The following DGAT1 variants were observed in gnomAD, a reference collection of about 807,000 sequenced individuals.
DGAT1 encodes the protein diacylglycerol O-acyltransferase 1.
In DGAT1, 60 loss-of-function variants were observed where a neutral mutation model predicts 72.6. The observed-to-expected ratio is 0.83, with a 90% confidence interval of 0.67 to 1.02. The LOEUF (loss-of-function observed/expected upper bound fraction) is 1.02, where lower values mean the gene tolerates loss of function less well. Ranked by LOEUF, DGAT1 falls within the 50% of genes least tolerant of loss-of-function variation. The probability of loss-of-function intolerance (pLI) is 0.00; values close to 1 mark genes in which losing one functional copy is unlikely to be tolerated. For missense variants in DGAT1, 592 were observed against 670.0 expected (o/e 0.88, Z 1.29); for synonymous variants, 290 against 267.5 (o/e 1.08, Z -0.82).
intron 12 of DGAT1, 27 bp downstream of exon 12, chr8:144,317,517 G>A (rs1554847319): frequency 6.2e-7 from 1 of 1,613,792 alleles, no homozygotes; most frequent in Non-Finnish European, 8.5e-7. Context: ...CTCCTGTCCT[G>A]TGCATGCGCC....
chr8:144,319,591 T>G (rs1554847883), intron 2 of DGAT1, among the ~76,000 whole-genome samples: 1 of 152,184 alleles, frequency 6.6e-6, no homozygotes, highest in Non-Finnish European at 1.5e-5. Flanking sequence ...AGTGTCCAGC[T>G]GTGTCGCAAG....
At position 144,318,119 on chromosome 8, in the gene DGAT1, A is replaced by G. The variant is rs146322937; in HGVS notation, c.727T>C (p.Tyr243His). The change falls in exon 8 of 17, where the codon TAC becomes CAC. Residue 243 changes from tyrosine (Y) to histidine (H), a missense_variant. Coordinates refer to ENST00000528718, the MANE Select transcript of DGAT1 (RefSeq NM_012079.6). ...SSAAAPHTVS[Y>H]PDNLTYRDLY... ...CCGCGGTAGGTCAGATTGTCCGGGT[A>G]GCTCACGGTGTGCGGGGCAGCAGCA... The G allele has an allele frequency of 3.4e-5, 52 of 1,542,342 alleles. No homozygotes were observed. The African/African-American group carries it at 5.8e-4, about 17-fold the overall frequency.
chr8:144,319,716 C>A (rs1232582147), intron 2 of DGAT1, among the ~76,000 whole-genome samples: 1 of 152,208 alleles, frequency 6.6e-6, no homozygotes, highest in Non-Finnish European at 1.5e-5. Flanking sequence ...GGACTGAGCC[C>A]CCATGGAATA....
At chr8:144,317,143 T>C in intron 14 of DGAT1, 34 bp from the exon 15 acceptor site, 1 of 1,611,998 alleles carries the variant, frequency 6.2e-7, no homozygotes, top group Non-Finnish European at 8.5e-7. Context: ...GCGGTTCAGG[T>C]TCACAGCCAT....
At chr8:144,325,143 G>T (rs887074400) in intron 1 of DGAT1, among the ~76,000 whole-genome samples, 2 of 151,952 alleles carry the variant, frequency 1.3e-5, no homozygotes, top group Non-Finnish European at 2.9e-5. Flanking sequence ...CTGCCTCCTG[G>T]AGAGAGGGTA....
Position 144,326,681 on chromosome 8 carries a change from G to A in DGAT1, c.-45C>T, listed in dbSNP as rs1210777586. ...CCGCAGCCAAGCGTGGGCCCGCCGG[G>A]TTCGTAGCGCCCGAGGCGCGCGGCC... On this transcript the variant is annotated 5_prime_UTR_variant, in exon 1 of 17. Coordinates refer to ENST00000528718, the MANE Select transcript of DGAT1 (RefSeq NM_012079.6). 7 of 1,152,634 alleles carry A rather than the reference G, an allele frequency of 6.1e-6. No homozygotes were observed. Among genetic ancestry groups the A allele is most frequent in the Non-Finnish European group, 7.5e-6 (7 of 937,122 alleles). 71.4% of individuals were successfully genotyped at this position (1,152,634 alleles called of 1,614,324 possible).
At chr8:144,325,730 T>C (rs1817579206) in intron 1 of DGAT1, among the ~76,000 whole-genome samples, 1 of 152,046 alleles carries the variant, frequency 6.6e-6, no homozygotes, top group Non-Finnish European at 1.5e-5. Context: ...TGCAGGTGTG[T>C]CCACCACCCC....
rs201213845 is a variant in DGAT1, at chr8:144,317,162, TCACACA to T, written c.1160+19_1160+24del. ...TTCAGGTTCACAGCCATGTTCCACA[TCACACA>T]CACACACACCCCACCTACCTGATGC... On this transcript the variant is annotated intron_variant, in intron 14 of 16. Coordinates refer to ENST00000528718, the MANE Select transcript of DGAT1 (RefSeq NM_012079.6). 2 of 1,599,568 alleles carry T rather than the reference TCACACA, an allele frequency of 1.3e-6. No homozygotes were observed. Among genetic ancestry groups the T allele is most frequent in the Non-Finnish European group, 1.7e-6 (2 of 1,168,820 alleles).
chr8:144,315,946 A>G lies in DGAT1; in HGVS notation c.*608T>C, dbSNP rs1463351417. The G allele has an allele frequency of 1.0e-6, 1 of 986,418 alleles. No homozygotes were observed. Among genetic ancestry groups the G allele is most frequent in the African/African-American group, 1.7e-5 (1 of 57,228 alleles). The allele number at this position is 986,418 out of a possible 1,614,324, so 61.1% of individuals were successfully genotyped here. On this transcript the variant is annotated 3_prime_UTR_variant, in exon 17 of 17. Transcript: ENST00000528718. ...CCCTGGGCCATCCTGGCTGGAGCCCACTTCCCGCAAACCCAGGGCCGACCT... is the reference window on the plus strand; with the variant it reads ...CCCTGGGCCATCCTGGCTGGAGCCCGCTTCCCGCAAACCCAGGGCCGACCT...
Position 144,326,741 on chromosome 8 carries a change from C to G in DGAT1, c.-105G>C. The G allele has an allele frequency of 2.1e-6, 2 of 947,510 alleles. No homozygotes were observed. Among genetic ancestry groups the G allele is most frequent in the South Asian group, 4.6e-5 (1 of 21,894 alleles). The allele number at this position is 947,510 out of a possible 1,614,324, so 58.7% of individuals were successfully genotyped here. The stretch of plus-strand genomic sequence containing the variant: ...GGCCCTAGACAACGGCCGCCACTGC[C>G]CCCTGCCGGCCGCCGTAGCCCGGGT... On this transcript the variant is annotated 5_prime_UTR_variant, in exon 1 of 17. Transcript: ENST00000528718.
chr8:144,317,647 T>G, intron 11 of DGAT1, 24 bp downstream of exon 11: 1 of 1,613,832 alleles, frequency 6.2e-7, no homozygotes, highest in Non-Finnish European at 8.5e-7. Context: ...CCACCCCAGC[T>G]GCAAGAGCAC....
intron 1 of DGAT1, among the ~76,000 whole-genome samples, chr8:144,322,411 C>A (rs1036412384): frequency 2.0e-5 from 3 of 152,222 alleles, no homozygotes; most frequent in Non-Finnish European, 1.5e-5. Context: ...CTCCCGCACA[C>A]GCACATCTGC....
Position 144,316,847 on chromosome 8 carries a change from A to G in DGAT1, c.1311+6T>C, listed in dbSNP as rs782744456. ...CGAGTGAGGAGGCCACGTGGGGGTCACTCACCTGAGCCATCATGCCCGTGA... is the reference window on the plus strand; with the variant it reads ...CGAGTGAGGAGGCCACGTGGGGGTCGCTCACCTGAGCCATCATGCCCGTGA... On this transcript the variant is annotated splice_donor_region_variant and intron_variant, in intron 16 of 16. Coordinates refer to ENST00000528718, the MANE Select transcript of DGAT1 (RefSeq NM_012079.6). 3.1e-6 allele frequency: 5 copies of G among 1,608,458 alleles called. No individual in the cohort carries two copies. Among genetic ancestry groups the G allele is most frequent in the Admixed American group, 3.4e-5 (2 of 59,072 alleles).
In DGAT1 at chr8:144,319,020, G is replaced by T; in HGVS notation, c.329+8C>A. 1 of 1,558,776 alleles carries T rather than the reference G, an allele frequency of 6.4e-7. No individual in the cohort carries two copies. Among genetic ancestry groups the T allele is most frequent in the Non-Finnish European group, 8.7e-7 (1 of 1,151,326 alleles). On this transcript the variant is annotated splice_region_variant and intron_variant, in intron 3 of 16. Transcript: ENST00000528718. ...GGGGCAGGGGTGGGACCTGGCAAAGGCACTCACTTGATGAGGTTCTCCAGA... is the reference window on the plus strand; with the variant it reads ...GGGGCAGGGGTGGGACCTGGCAAAGTCACTCACTTGATGAGGTTCTCCAGA...
At position 144,326,631 on chromosome 8, in the gene DGAT1, G is replaced by A. The variant is rs1442852223; in HGVS notation, c.6C>T (p.Gly2=). 8 of 1,194,220 alleles carry A rather than the reference G, an allele frequency of 6.7e-6. No individual in the cohort carries two copies. In the African/African-American group the frequency reaches 1.3e-4, roughly 19 times the overall value. The allele number at this position is 1,194,220 out of a possible 1,614,324, so 74.0% of individuals were successfully genotyped here. The part of the protein sequence containing the change: M[G]DRGSSRRRRT... ...TCCGGCGCCGGGAGCTGCCGCGGTC[G>A]CCCATGGCCTCAGCCCGCACCCGGC... Residue 2 remains glycine, a synonymous_variant, in exon 1 of 17, where the codon GGC becomes GGT. Coordinates refer to ENST00000528718, the MANE Select transcript of DGAT1 (RefSeq NM_012079.6).
rs782146939 is a variant in DGAT1, at chr8:144,316,979, C to T, written c.1248+43G>A. 5.6e-6 allele frequency: 9 copies of T among 1,610,552 alleles called. No homozygotes were observed. In the South Asian group the frequency reaches 8.8e-5, roughly 16 times the overall value. On this transcript the variant is annotated intron_variant, in intron 15 of 16. Coordinates refer to ENST00000528718, the MANE Select transcript of DGAT1 (RefSeq NM_012079.6). ...GTCAGCCGTCCCTGCTGTGGGCATA[C>T]CCCTGCCCAGGGATGAGGCAAGATG...
rs1267257348 is a variant in DGAT1, at chr8:144,315,240, G to C, written c.*1314C>G. The C allele has an allele frequency of 3.0e-6, 3 of 985,342 alleles. No individual in the cohort carries two copies. The African/African-American group carries it at 5.2e-5, about 17-fold the overall frequency. The allele number at this position is 985,342 out of a possible 1,614,324, so 61.0% of individuals were successfully genotyped here. A position where few individuals can be genotyped will look rare whatever the true frequency, so the allele number is the denominator to read the frequency against. ...GGAGCCCATGTGGGATGGAGGAGTC[G>C]GCCCCACACCCATCCCCCCACCAGG... On this transcript the variant is annotated 3_prime_UTR_variant, in exon 17 of 17. Coordinates refer to ENST00000528718, the MANE Select transcript of DGAT1 (RefSeq NM_012079.6).
rs1817608549 is a variant in DGAT1, at chr8:144,326,820, G to A, written c.-184C>T. ...CCGCGTCGGGCCCGTCGGCCTCAAG[G>A]ACAACGGCTGCGTTGCTCCGGAGCC... On this transcript the variant is annotated 5_prime_UTR_variant, in exon 1 of 17. Transcript: ENST00000528718. The A allele has an allele frequency of 9.2e-6, 3 of 326,098 alleles. No homozygotes were observed. The highest frequency in any genetic ancestry group is 1.3e-4 in the South Asian group (1 of 7,560). The allele number at this position is 326,098 out of a possible 1,614,324, so 20.2% of individuals were successfully genotyped here. A position where few individuals can be genotyped will look rare whatever the true frequency, so the allele number is the denominator to read the frequency against.
Position 144,316,715 on chromosome 8 carries a change from G to A in DGAT1, c.1312-6C>T. 6.2e-7 allele frequency: 1 copy of A among 1,610,934 alleles called. No individual in the cohort carries two copies. Among genetic ancestry groups the A allele is most frequent in the Non-Finnish European group, 8.5e-7 (1 of 1,178,870 alleles). ...ACGAACCAGGCCAGTGGGATCTAGGGAGTGAGGGGCCAAGTCAGTCGGCCA... is the reference window on the plus strand; with the variant it reads ...ACGAACCAGGCCAGTGGGATCTAGGAAGTGAGGGGCCAAGTCAGTCGGCCA... On this transcript the variant is annotated splice_region_variant and splice_polypyrimidine_tract_variant and intron_variant, in intron 16 of 16. Coordinates refer to ENST00000528718, the MANE Select transcript of DGAT1 (RefSeq NM_012079.6).
Sources: allele counts gnomAD v4.1 joint callset (sites outside exome capture counted in the v4.1 genomes callset), GRCh38; gene constraint gnomAD v4.1.1; transcripts MANE v1.5; gene names NCBI Gene and HGNC (gene_info 2026-07-23, HGNC 2026-07-21).